The following PHF21A variants were observed in gnomAD, a reference collection of about 807,000 sequenced individuals.
PHF21A encodes BHC80a.
A neutral mutation model predicts 82.5 loss-of-function variants in PHF21A; 11 were observed. That is an observed-to-expected ratio of 0.13 (90% CI 0.08 to 0.22). PHF21A has a LOEUF of 0.22. Ranked by LOEUF, PHF21A falls within the 10% of genes least tolerant of loss-of-function variation. PHF21A has a pLI of 1.00. For missense variants in PHF21A, 579 were observed against 837.8 expected, an observed-to-expected ratio of 0.69 and a Z score of 3.81; for synonymous variants, 297 against 302.8, an observed-to-expected ratio of 0.98 and a Z score of 0.20.
intron 7 of PHF21A, among the ~76,000 whole-genome samples, chr11:45,971,859 G>C (rs1255342269): frequency 1.4e-5 from 1 of 72,318 alleles, no homozygotes; most frequent in East Asian, 4.8e-4. Flanking sequence ...AGACACAAAG[G>C]CTGGGGTAAA....
intron 4 of PHF21A, among the ~76,000 whole-genome samples, chr11:46,081,409 C>T (rs2096789426): frequency 6.6e-6 from 1 of 152,194 alleles, no homozygotes; most frequent in East Asian, 1.9e-4. Context: ...TCTTGATTTT[C>T]CTTTTTGATT....
intron 6 of PHF21A, among the ~76,000 whole-genome samples, chr11:46,065,408 T>C (rs1256236905): frequency 2.0e-5 from 3 of 152,218 alleles, no homozygotes; most frequent in African/African-American, 7.2e-5. Context: ...AGCCATCCCA[T>C]GACAACAGCA....
chr11:46,101,938 AC>A (rs1351310597), intron 1 of PHF21A, among the ~76,000 whole-genome samples: 3 of 149,750 alleles, frequency 2.0e-5, no homozygotes, highest in Non-Finnish European at 4.4e-5. Context: ...GCTCACTACA[AC>A]CTCTGACTCC....
intron 6 of PHF21A, among the ~76,000 whole-genome samples, chr11:46,032,384 GTTTA>G (rs2095883045): frequency 1.3e-5 from 2 of 151,826 alleles, no homozygotes; most frequent in Admixed American, 1.3e-4. Flanking sequence ...CATGTCCTTC[GTTTA>G]TTTAATAATA....
In PHF21A at chr11:46,086,137, GAGAA is replaced by G. The variant is rs1308235952; in HGVS notation, c.-83-1839_-83-1836del. Among the ~76,000 whole-genome samples, 1,114 of 143,144 alleles carry G rather than the reference GAGAA, an allele frequency of 7.8e-3. 11 individuals are homozygous for G. Among genetic ancestry groups the G allele is most frequent in the African/African-American group, 0.027 (1,061 of 39,274 alleles). The allele number at this position is 143,144 out of a possible 152,430, so 93.9% of individuals were successfully genotyped here. A position where few individuals can be genotyped will look rare whatever the true frequency, so the allele number is the denominator to read the frequency against. ...TTAGCTACTATCTTTTTTTTTTTTT[GAGAA>G]AGAGTCTCGCTCTGTCGCCCAGGCT... is the stretch of plus-strand genomic sequence containing the variant. On this transcript the variant is annotated intron_variant, in intron 3 of 18. Transcript: ENST00000676320.
intron 6 of PHF21A, among the ~76,000 whole-genome samples, chr11:46,064,588 T>C (rs751948120): frequency 3.3e-5 from 5 of 152,174 alleles, no homozygotes; most frequent in Non-Finnish European, 7.3e-5. Context: ...AAAAAGATAC[T>C]AGTTAAAGAG....
intron 1 of PHF21A, among the ~76,000 whole-genome samples, chr11:46,095,409 A>T (rs1054124013): frequency 6.6e-6 from 1 of 152,240 alleles, no homozygotes; most frequent in African/African-American, 2.4e-5. Flanking sequence ...AATTTTAACC[A>T]TATTTGCTTA....
intron 15 of PHF21A, among the ~76,000 whole-genome samples, chr11:45,939,808 A>T (rs2089996615): frequency 6.8e-6 from 1 of 146,828 alleles, no homozygotes; most frequent in Non-Finnish European, 1.5e-5. Flanking sequence ...GCTATTAAAG[A>T]GGTCTTTTCC....
intron 6 of PHF21A, among the ~76,000 whole-genome samples, chr11:46,048,067 A>G (rs1395389670): frequency 6.6e-6 from 1 of 152,220 alleles, no homozygotes; most frequent in Non-Finnish European, 1.5e-5. Flanking sequence ...ACAGTTGCAC[A>G]ACTCCAGAAT....
intron 14 of PHF21A, among the ~76,000 whole-genome samples, chr11:45,946,642 TG>T (rs1165045836): frequency 6.6e-6 from 1 of 152,214 alleles, no homozygotes; most frequent in Non-Finnish European, 1.5e-5. Flanking sequence ...CCCAAAGTGC[TG>T]GGATTACAGG....
chr11:46,000,055 T>C (rs1325868626), intron 6 of PHF21A, among the ~76,000 whole-genome samples: 1 of 152,226 alleles, frequency 6.6e-6, no homozygotes, highest in Non-Finnish European at 1.5e-5. Context: ...AATTTTTCGA[T>C]TGACTAGAGA....
At chr11:45,949,025 A>T in intron 13 of PHF21A, 79 bp from the exon 14 acceptor site, 1 of 1,098,818 alleles carries the variant, frequency 9.1e-7, no homozygotes, top group Non-Finnish European at 1.4e-6. Context: ...AAGACCAAGC[A>T]TGGCATGACT....
In PHF21A at chr11:45,948,897, G is replaced by A. The variant is rs778542167; in HGVS notation, c.1277C>T (p.Thr426Ile). 1.9e-6 allele frequency: 3 copies of A among 1,613,834 alleles called. 1 individual carries two copies. In the South Asian group the frequency reaches 3.3e-5, roughly 18 times the overall value. The change falls in exon 14 of 19, where the codon ACC becomes ATC. Residue 426 changes from threonine to isoleucine, a missense_variant. Thr to Ile is a moderately conservative substitution (Grantham distance 89). This residue lies in a region of PHF21A where 410 missense variants were observed against 642.1 expected (regional missense o/e 0.64). Coordinates refer to ENST00000676320, the MANE Select transcript of PHF21A (RefSeq NM_001352027.3). The part of the protein sequence containing the change: ...TYLNSTMHPG[T>I]RKRGRPPKYN... ...AAAAAGGTCCTCACCTCTCTTCCGG[G>A]TCCCAGGGTGCATTGTGCTGTTTAG...
intron 6 of PHF21A, among the ~76,000 whole-genome samples, chr11:46,017,106 G>C (rs1187982906): frequency 1.3e-5 from 2 of 152,050 alleles, no homozygotes; most frequent in African/African-American, 4.8e-5. Flanking sequence ...GAGTTGCTGG[G>C]ATTACAGGCA....
chr11:46,106,663 T>C (rs1028587857), intron 1 of PHF21A, among the ~76,000 whole-genome samples: 1 of 152,220 alleles, frequency 6.6e-6, no homozygotes, highest in Admixed American at 6.5e-5. Flanking sequence ...CAACCACTTG[T>C]ACTTAACATG....
rs1310372394 is a variant in PHF21A, at chr11:46,041,969, CTCT to C, written c.153+34782_153+34784del. On this transcript the variant is annotated intron_variant, in intron 6 of 18. Transcript: ENST00000676320. ...ATGAGATCCTGGGGACAGGATTCATCTCTTCTATTTTTAAAATCCTGTATGTCT... is the reference window on the plus strand; with the variant it reads ...ATGAGATCCTGGGGACAGGATTCATCTCTATTTTTAAAATCCTGTATGTCT... Among the ~76,000 whole-genome samples the C allele has an allele frequency of 2.0e-5, 3 of 152,114 alleles. No individual in the cohort carries two copies. The East Asian group carries it at 5.8e-4, about 29-fold the overall frequency.
chr11:45,946,906 T>C (rs1168643704), intron 14 of PHF21A, among the ~76,000 whole-genome samples: 3 of 152,196 alleles, frequency 2.0e-5, no homozygotes, highest in African/African-American at 7.2e-5. Context: ...GAGAGGCATG[T>C]TCTGGGAGTA....
At chr11:46,119,607 C>T (rs190092193) in intron 1 of PHF21A, 3 of 152,298 alleles carry the variant, frequency 2.0e-5, no homozygotes, top group Admixed American at 1.3e-4. Flanking sequence ...CGACAACCGG[C>T]CTGTGGCCTT....
At chr11:45,992,367 C>T (rs547908724) in intron 6 of PHF21A, among the ~76,000 whole-genome samples, 1 of 139,300 alleles carries the variant, frequency 7.2e-6, no homozygotes, top group African/African-American at 2.7e-5. Flanking sequence ...CCCGTCTATA[C>T]TAAAAATACA....
Sources: allele counts gnomAD v4.1 joint callset (sites outside exome capture counted in the v4.1 genomes callset), GRCh38; gene constraint gnomAD v4.1.1; regional missense constraint gnomAD v4.1.1; transcripts MANE v1.5; gene names NCBI Gene and HGNC (gene_info 2026-07-23, HGNC 2026-07-21).